Variants in RBM6 observed in about 807,000 individuals in gnomAD.
The protein encoded by RBM6 is RNA-binding protein 6.
Under a neutral mutation model 140.4 loss-of-function variants are expected in RBM6, and 23 were observed. That is an observed-to-expected ratio of 0.16 (90% CI 0.12 to 0.23). The LOEUF is 0.23. RBM6 is among the 10% of genes least tolerant of loss of function. The pLI is 1.00. For synonymous variants in RBM6, 439 were observed against 475.6 expected (o/e 0.92, Z 1.00); for missense variants, 1,139 against 1,386.7 (o/e 0.82, Z 2.84).
intron 6 of RBM6, among the ~76,000 whole-genome samples, chr3:50,022,127 A>G (rs2087524930): frequency 1.3e-5 from 2 of 152,038 alleles, no homozygotes; most frequent in South Asian, 2.1e-4. Context: ...GATATTTCCT[A>G]ATTTATTATT....
intron 5 of RBM6, among the ~76,000 whole-genome samples, chr3:49,998,455 G>A (rs2086183057): frequency 1.3e-5 from 2 of 152,180 alleles, no homozygotes; most frequent in South Asian, 4.1e-4. Flanking sequence ...GGCAGTGGAG[G>A]AAGCATGGAA....
chr3:50,047,073 T>C, intron 6 of RBM6: 1 of 685,468 alleles, frequency 1.5e-6, no homozygotes. Flanking sequence ...TGCTAAGACC[T>C]AGGTAGATGG....
intron 5 of RBM6, among the ~76,000 whole-genome samples, chr3:49,988,097 A>G (rs12485600): frequency 0.52 from 78,951 of 152,010 alleles, 21,823 homozygotes; most frequent in African/African-American, 0.68. Context: ...TTGAGTATTG[A>G]TTTTGCTGTG....
intron 3 of RBM6, among the ~76,000 whole-genome samples, chr3:49,970,478 T>C (rs1037280462): frequency 1.3e-5 from 2 of 152,198 alleles, no homozygotes; most frequent in Non-Finnish European, 2.9e-5. Context: ...AGTTGACTCT[T>C]GCAACTCTCG....
intron 8 of RBM6, 49 bp downstream of exon 8, chr3:50,054,444 C>A: frequency 6.9e-7 from 1 of 1,440,976 alleles, no homozygotes; most frequent in Non-Finnish European, 9.8e-7. Flanking sequence ...TTGAGCAAAA[C>A]AAATTTCATG....
intron 16 of RBM6, chr3:50,065,616 A>G (rs1369815367): frequency 2.2e-6 from 1 of 457,056 alleles, no homozygotes; most frequent in South Asian, 1.5e-5. Context: ...ATCACCAGTG[A>G]TTCTGATTGA....
At chr3:49,984,585 G>GACATCACATCACATCACATCACATC (rs1223070354) in intron 5 of RBM6, among the ~76,000 whole-genome samples, 3 of 134,726 alleles carry the variant, frequency 2.2e-5, no homozygotes, top group African/African-American at 9.1e-5. Flanking sequence ...TGTCTAACGT[G>GACATCACATCACATCACATCACATC]ACATCACATC....
At chr3:50,039,943 G>A (rs1296937062) in intron 6 of RBM6, among the ~76,000 whole-genome samples, 1 of 152,140 alleles carries the variant, frequency 6.6e-6, no homozygotes, top group Non-Finnish European at 1.5e-5. Flanking sequence ...TAGGAGAGAC[G>A]TGTGGATCCC....
intron 5 of RBM6, among the ~76,000 whole-genome samples, chr3:49,993,407 C>T (rs1192840142): frequency 1.3e-5 from 2 of 152,098 alleles, no homozygotes; most frequent in Admixed American, 1.3e-4. Flanking sequence ...TTTGGGAGGC[C>T]AAGGCGTGTG....
At chr3:49,947,878 G>C (rs1369354350) in intron 1 of RBM6, among the ~76,000 whole-genome samples, 1 of 152,176 alleles carries the variant, frequency 6.6e-6, no homozygotes, top group Non-Finnish European at 1.5e-5. Context: ...TTGAAAATCA[G>C]TTGACTAAAG....
intron 7 of RBM6, among the ~76,000 whole-genome samples, chr3:50,050,004 TTCTG>T (rs2089402947): frequency 6.6e-6 from 1 of 152,022 alleles, no homozygotes; most frequent in Non-Finnish European, 1.5e-5. Context: ...AATTTTTTTT[TTCTG>T]TCTTTTTTTT....
chr3:50,075,358 T>C, intron 20 of RBM6, 28 bp downstream of exon 20: 1 of 1,602,124 alleles, frequency 6.2e-7, no homozygotes, highest in East Asian at 2.2e-5. Context: ...TTTTGGGGGG[T>C]GACATGAACC....
At chr3:50,031,189 C>T (rs1424011836) in intron 6 of RBM6, among the ~76,000 whole-genome samples, 1 of 152,144 alleles carries the variant, frequency 6.6e-6, no homozygotes, top group Non-Finnish European at 1.5e-5. Flanking sequence ...CCTCAAGGAT[C>T]TAGAACTAGA....
intron 9 of RBM6, 104 bp downstream of exon 9, chr3:50,058,107 A>G (rs2089788184): frequency 4.3e-6 from 6 of 1,382,044 alleles, no homozygotes; most frequent in Non-Finnish European, 5.9e-6. Flanking sequence ...ACCCTGAGAG[A>G]TCTGTGCATG....
chr3:49,995,187 A>G (rs1302483897), intron 5 of RBM6, among the ~76,000 whole-genome samples: 1 of 152,212 alleles, frequency 6.6e-6, no homozygotes, highest in Admixed American at 6.5e-5. Context: ...CACATGGTTA[A>G]TGAAGATAGA....
chr3:50,014,215 T>C (rs1332771290), intron 6 of RBM6, among the ~76,000 whole-genome samples: 1 of 152,186 alleles, frequency 6.6e-6, no homozygotes, highest in East Asian at 1.9e-4. Context: ...GTGGGAATGC[T>C]GTGTAGTGAG....
chr3:50,031,814 GA>G (rs1172400818), intron 6 of RBM6, among the ~76,000 whole-genome samples: 10 of 151,816 alleles, frequency 6.6e-5, no homozygotes, highest in Non-Finnish European at 1.3e-4. Context: ...AACATAAAAA[GA>G]AAAAAATAAA....
At chr3:49,956,107 T>A (rs2083975310) in intron 1 of RBM6, among the ~76,000 whole-genome samples, 1 of 151,558 alleles carries the variant, frequency 6.6e-6, no homozygotes, top group Non-Finnish European at 1.5e-5. Flanking sequence ...CTCAGCTCAC[T>A]GCAACTTTGG....
intron 5 of RBM6, among the ~76,000 whole-genome samples, chr3:49,985,763 C>T (rs1472291235): frequency 1.5e-4 from 22 of 150,594 alleles, no homozygotes; most frequent in Non-Finnish European, 1.5e-5. Flanking sequence ...CCTGCCACCA[C>T]GCCCGGCTAA....
Sources: allele counts gnomAD v4.1 joint callset (sites outside exome capture counted in the v4.1 genomes callset), GRCh38; gene constraint gnomAD v4.1.1; transcripts MANE v1.5; gene names NCBI Gene and HGNC (gene_info 2026-07-23, HGNC 2026-07-21).